Variants in SLC39A11 observed in about 807,000 individuals in gnomAD.
The protein encoded by SLC39A11 is zinc transporter ZIP11.
SLC39A11 carries 33 observed loss-of-function variants against 36.1 expected under a neutral mutation model. The ratio of observed to expected loss-of-function variants is 0.91; its 90% CI spans 0.69 to 1.22. The LOEUF is 1.22. Among genes scored for constraint, SLC39A11 ranks in the 50% most tolerant of loss-of-function variants. The probability of loss-of-function intolerance (pLI) is 0.00; values close to 1 mark genes in which losing one functional copy is unlikely to be tolerated. For synonymous variants in SLC39A11, 166 were observed against 170.3 expected, an observed-to-expected ratio of 0.97 and a Z score of 0.20; for missense variants, 432 against 430.3, an observed-to-expected ratio of 1.00 and a Z score of -0.03.
intron 6 of SLC39A11, among the ~76,000 whole-genome samples, chr17:72,807,618 A>G (rs886294172): frequency 9.9e-5 from 15 of 152,190 alleles, no homozygotes; most frequent in Non-Finnish European, 2.1e-4. Context: ...CAACAAGAAG[A>G]TATGATGAGT....
intron 5 of SLC39A11, among the ~76,000 whole-genome samples, chr17:72,918,292 C>T (rs1041693327): frequency 2.6e-5 from 4 of 152,164 alleles, no homozygotes; most frequent in Admixed American, 6.5e-5. Context: ...GCCTGTAATC[C>T]CAACTACTCA....
At chr17:72,744,534 G>C (rs1468356663) in intron 6 of SLC39A11, among the ~76,000 whole-genome samples, 2 of 152,202 alleles carry the variant, frequency 1.3e-5, no homozygotes, top group African/African-American at 4.8e-5. Flanking sequence ...GGAGCCATAA[G>C]CAGCTCTTAC....
intron 4 of SLC39A11, among the ~76,000 whole-genome samples, chr17:73,007,742 G>A (rs1598826204): frequency 6.6e-6 from 1 of 152,198 alleles, no homozygotes; most frequent in South Asian, 2.1e-4. Context: ...GGGAAAAAGA[G>A]GAAAAAGGCC....
chr17:73,031,971 C>G (rs2058751836), intron 3 of SLC39A11, among the ~76,000 whole-genome samples: 1 of 152,138 alleles, frequency 6.6e-6, no homozygotes, highest in South Asian at 2.1e-4. Context: ...CATCATCTAG[C>G]CTATAATTCA....
chr17:72,888,514 G>A (rs983717465), intron 5 of SLC39A11, among the ~76,000 whole-genome samples: 2 of 152,034 alleles, frequency 1.3e-5, no homozygotes, highest in Non-Finnish European at 2.9e-5. Context: ...AAATAGAGAC[G>A]CTTCTAAACA....
intron 1 of SLC39A11, among the ~76,000 whole-genome samples, chr17:73,089,098 G>A (rs962212876): frequency 6.6e-6 from 1 of 152,172 alleles, no homozygotes; most frequent in African/African-American, 2.4e-5. Context: ...GAAGAAGGGG[G>A]CATAGGAGGG....
chr17:72,803,623 C>CA (rs1323165203), intron 6 of SLC39A11, among the ~76,000 whole-genome samples: 1 of 152,184 alleles, frequency 6.6e-6, no homozygotes, highest in African/African-American at 2.4e-5. Flanking sequence ...AAAATAGTCC[C>CA]ACTGAGAGAT....
At chr17:72,835,767 G>A (rs1465457435) in intron 6 of SLC39A11, among the ~76,000 whole-genome samples, 1 of 152,226 alleles carries the variant, frequency 6.6e-6, no homozygotes, top group Non-Finnish European at 1.5e-5. Context: ...GGCCCTGCTT[G>A]TTGCTACTGC....
intron 5 of SLC39A11, among the ~76,000 whole-genome samples, chr17:72,920,683 C>A (rs2083609514): frequency 9.0e-6 from 1 of 111,680 alleles, no homozygotes; most frequent in African/African-American, 3.5e-5. Context: ...ACACTTCTCA[C>A]CCCCTTACAA....
At chr17:72,861,657 T>TTATAGATATATATA (rs1555605274) in intron 5 of SLC39A11, among the ~76,000 whole-genome samples, 20 of 50,948 alleles carry the variant, frequency 3.9e-4, no homozygotes, top group South Asian at 7.5e-4. Context: ...ATACAACACA[T>TTATAGATATATATA]TATATATATA....
chr17:72,919,669 C>CAAAAAAAA (rs35888661), intron 5 of SLC39A11, among the ~76,000 whole-genome samples: 7 of 69,018 alleles, frequency 1.0e-4, no homozygotes, highest in African/African-American at 4.8e-4. Flanking sequence ...GAGAGTCCGT[C>CAAAAAAAA]AAAAAAAAAA....
Position 72,910,623 on chromosome 17 carries a change from C to CAAAAAAAAAAAAAAAAAAAAAAAAAA in SLC39A11, c.430+37128_430+37129insTTTTTTTTTTTTTTTTTTTTTTTTTT. On this transcript the variant is annotated intron_variant, in intron 5 of 9. Transcript: ENST00000255559. ...TGGGCAACAGAGCAAGACTCCGTCT[C>CAAAAAAAAAAAAAAAAAAAAAAAAAA]AAAAAAAAAAAAAAAAAAAAAGGCT... is the stretch of plus-strand genomic sequence containing the variant. Among the ~76,000 whole-genome samples, 2 of 50,028 alleles carry CAAAAAAAAAAAAAAAAAAAAAAAAAA rather than the reference C, an allele frequency of 4.0e-5. 1 individual carries two copies. Among genetic ancestry groups the CAAAAAAAAAAAAAAAAAAAAAAAAAA allele is most frequent in the Non-Finnish European group, 7.0e-5 (2 of 28,640 alleles). The allele number at this position is 50,028 out of a possible 152,430, so 32.8% of individuals were successfully genotyped here. A position where few individuals can be genotyped will look rare whatever the true frequency, so the allele number is the denominator to read the frequency against.
intron 3 of SLC39A11, among the ~76,000 whole-genome samples, chr17:73,035,477 G>A (rs73350949): frequency 0.049 from 7,470 of 152,174 alleles, 226 homozygotes; most frequent in Middle Eastern, 0.071. Flanking sequence ...TAGAAAAGAC[G>A]ACTGTATCCT....
At chr17:72,704,582 A>G (rs1227764237) in intron 7 of SLC39A11, among the ~76,000 whole-genome samples, 1 of 152,218 alleles carries the variant, frequency 6.6e-6, no homozygotes, top group Non-Finnish European at 1.5e-5. Flanking sequence ...CTCTATGCAT[A>G]AAGTGATGCT....
At chr17:72,751,603 A>C (rs910918416) in intron 6 of SLC39A11, among the ~76,000 whole-genome samples, 1 of 151,970 alleles carries the variant, frequency 6.6e-6, no homozygotes, top group African/African-American at 2.4e-5. Flanking sequence ...TTTGAGACAG[A>C]GTCTTGCTCC....
intron 6 of SLC39A11, among the ~76,000 whole-genome samples, chr17:72,833,564 C>T (rs2078379136): frequency 6.6e-6 from 1 of 152,168 alleles, no homozygotes; most frequent in Non-Finnish European, 1.5e-5. Flanking sequence ...ATAAAGACTC[C>T]AGTGATTTTC....
chr17:72,658,214 C>CG (rs2070233118), intron 7 of SLC39A11, among the ~76,000 whole-genome samples: 2 of 152,066 alleles, frequency 1.3e-5, no homozygotes, highest in Admixed American at 1.3e-4. Context: ...GGAGTGTAGG[C>CG]GGGGGAAAGG....
At chr17:72,948,527 C>G (rs1211250560) in intron 4 of SLC39A11, among the ~76,000 whole-genome samples, 1 of 152,242 alleles carries the variant, frequency 6.6e-6, no homozygotes, top group African/African-American at 2.4e-5. Flanking sequence ...ATTTGGAATT[C>G]ACCATCTCCA....
Position 72,806,001 on chromosome 17 carries a change from C to T in SLC39A11, c.601+43633G>A, listed in dbSNP as rs528135133. On this transcript the variant is annotated intron_variant, in intron 6 of 9. Coordinates refer to ENST00000255559, the MANE Select transcript of SLC39A11 (RefSeq NM_139177.4). ...TCCTGACCTCATGCTATCCACCTGC[C>T]TTGGCCTCCTAAAATTACTGGGATT... Among the ~76,000 whole-genome samples, 4 of 152,242 alleles carry T rather than the reference C, an allele frequency of 2.6e-5. No homozygotes were observed. In the South Asian group the frequency reaches 6.2e-4, roughly 24 times the overall value.
Sources: allele counts gnomAD v4.1 joint callset (sites outside exome capture counted in the v4.1 genomes callset), GRCh38; gene constraint gnomAD v4.1.1; transcripts MANE v1.5; gene names NCBI Gene and HGNC (gene_info 2026-07-23, HGNC 2026-07-21).